Variants in NCLN observed in about 807,000 individuals in gnomAD.
The protein encoded by NCLN is nicalin, also known as BOS complex subunit NCLN.
A neutral mutation model predicts 69.5 loss-of-function variants in NCLN; 34 were observed. The observed-to-expected ratio is 0.49, with a 90% confidence interval of 0.37 to 0.65. The LOEUF is 0.65. NCLN is among the 30% of genes least tolerant of loss of function. The pLI is 0.00. For missense variants in NCLN, 710 were observed against 804.8 expected (o/e 0.88, Z 1.42); for synonymous variants, 393 against 358.3 (o/e 1.10, Z -1.09).
intron 5 of NCLN, among the ~76,000 whole-genome samples, chr19:3,199,321 C>G (rs1916061194): frequency 6.6e-6 from 1 of 152,258 alleles, no homozygotes; most frequent in Admixed American, 6.5e-5. Context: ...CAGGCCCTCT[C>G]CCTGTGTGTC....
At chr19:3,186,890 C>T (rs1428831471) in intron 1 of NCLN, among the ~76,000 whole-genome samples, 2 of 151,980 alleles carry the variant, frequency 1.3e-5, no homozygotes, top group Non-Finnish European at 2.9e-5. Context: ...GCTCTAGTCA[C>T]CGGCCCCCAC....
At chr19:3,195,379 A>T (rs1353149439) in intron 3 of NCLN, among the ~76,000 whole-genome samples, 1 of 151,672 alleles carries the variant, frequency 6.6e-6, no homozygotes, top group Non-Finnish European at 1.5e-5. Context: ...CCTCCAGAGT[A>T]GCTGGGACTA....
chr19:3,196,865 G>T (rs1482382126), intron 4 of NCLN, among the ~76,000 whole-genome samples: 2 of 152,228 alleles, frequency 1.3e-5, no homozygotes, highest in African/African-American at 4.8e-5. Flanking sequence ...ATTTCCCTGC[G>T]GGACGGCGCC....
chr19:3,206,405 C>A lies in NCLN; in HGVS notation c.1479C>A (p.His493Gln), dbSNP rs1412553885. The A allele has an allele frequency of 6.5e-7, 1 of 1,547,852 alleles. No homozygotes were observed. The highest frequency in any genetic ancestry group is 2.0e-5 in the Admixed American group (1 of 50,976). Residue 493 changes from histidine (H) to glutamine (Q), a missense_variant, in exon 12 of 15, where the codon CAC (histidine) becomes CAA (glutamine). Coordinates refer to ENST00000246117, the MANE Select transcript of NCLN (RefSeq NM_020170.4). ...LSRYLKDVKQHHVKADKRDPE... is the reference protein window; with the variant it reads ...LSRYLKDVKQQHVKADKRDPE... ...GCTACCTGAAGGACGTGAAGCAGCA[C>A]CACGTCAAGGCTGACAAGCGGTGAG...
In NCLN at chr19:3,209,083, G is replaced by A. The variant is rs918371266; in HGVS notation, c.*1395G>A. The A allele has an allele frequency of 6.6e-6, 1 of 152,344 alleles. No individual in the cohort carries two copies. The highest frequency in any genetic ancestry group is 1.5e-5 in the Non-Finnish European group (1 of 68,132). The allele number at this position is 152,344 out of a possible 1,614,324, so 9.4% of individuals were successfully genotyped here. On this transcript the variant is annotated 3_prime_UTR_variant, in exon 15 of 15. Transcript: ENST00000246117. The stretch of plus-strand genomic sequence containing the variant: ...TGGCCCAGGGAGGTGTTTGCTGTCC[G>A]AAGGACCTGGGCCGGCCCATGGGAG...
At chr19:3,203,168 T>C (rs1453701278) in intron 6 of NCLN, among the ~76,000 whole-genome samples, 2 of 151,944 alleles carry the variant, frequency 1.3e-5, no homozygotes, top group Non-Finnish European at 2.9e-5. Context: ...ATTAGCCAGG[T>C]GTGGTGCTGC....
In NCLN at chr19:3,206,137, C is replaced by T. The variant is rs892249692; in HGVS notation, c.1297-15C>T. ...AGGGGCCTGGACTCAGGGCCATCCC[C>T]TCCTCTCTCCGCAGGGGACACCCCC... On this transcript the variant is annotated splice_polypyrimidine_tract_variant and intron_variant, in intron 10 of 14. Coordinates refer to ENST00000246117, the MANE Select transcript of NCLN (RefSeq NM_020170.4). 1.0e-5 allele frequency: 16 copies of T among 1,533,494 alleles called. No individual in the cohort carries two copies. Among genetic ancestry groups the T allele is most frequent in the Middle Eastern group, 2.3e-4 (1 of 4,330 alleles). The allele number at this position is 1,533,494 out of a possible 1,614,324, so 95.0% of individuals were successfully genotyped here. A position where few individuals can be genotyped will look rare whatever the true frequency, so the allele number is the denominator to read the frequency against.
intron 1 of NCLN, among the ~76,000 whole-genome samples, chr19:3,187,251 C>T (rs1444892548): frequency 6.6e-6 from 1 of 152,256 alleles, no homozygotes; most frequent in African/African-American, 2.4e-5. Flanking sequence ...GACCATTCCA[C>T]ATCCCCTTGT....
chr19:3,193,377 A>C lies in NCLN; in HGVS notation c.469A>C (p.Lys157Gln), dbSNP rs75377748. The change falls in exon 3 of 15, where the codon AAG (lysine) becomes CAG (glutamine). Residue 157 changes from lysine to glutamine, a missense_variant. Lys to Gln is a moderately conservative substitution (Grantham distance 53, BLOSUM62 1). Coordinates refer to ENST00000246117, the MANE Select transcript of NCLN (RefSeq NM_020170.4). ...GGACGAGGCCCTGCTGTCTATCTAC[A>C]AGCAGACCCAGGCTGCCTCCGCCTC... The part of the protein sequence containing the change: ...VEDEALLSIY[K>Q]QTQAASASQG... The C allele has an allele frequency of 6.2e-4, 995 of 1,611,774 alleles. 4 individuals carry two copies. In the East Asian group the frequency reaches 6.4e-3, roughly 10 times the overall value.
intron 4 of NCLN, among the ~76,000 whole-genome samples, chr19:3,196,582 G>A (rs542357136): frequency 2.6e-5 from 4 of 151,998 alleles, no homozygotes; most frequent in East Asian, 1.9e-4. Context: ...CCTTTGCACC[G>A]GCTGCCCCTC....
In NCLN at chr19:3,204,561, C is replaced by T; in HGVS notation, c.1030-12C>T. On this transcript the variant is annotated splice_polypyrimidine_tract_variant and intron_variant, in intron 8 of 14. Transcript: ENST00000246117. ...CCCGCCTGCCCTCTGCTAATGGCGC[C>T]TCCGGCTGCAGGTGGCCGCGCACCA... The T allele has an allele frequency of 6.6e-7, 1 of 1,523,972 alleles. No individual in the cohort carries two copies. 94.4% of individuals were successfully genotyped at this position (1,523,972 alleles called of 1,614,324 possible). A position where few individuals can be genotyped will look rare whatever the true frequency, so the allele number is the denominator to read the frequency against.
intron 6 of NCLN, 112 bp from the exon 7 acceptor site, chr19:3,203,644 C>T: frequency 1.1e-6 from 1 of 943,372 alleles, no homozygotes; most frequent in Non-Finnish European, 1.6e-6. Context: ...GTCAGGATTT[C>T]CTGCTTTGGG....
Position 3,198,880 on chromosome 19 carries a change from G to A in NCLN, c.679G>A (p.Ala227Thr), listed in dbSNP as rs764839344. The A allele has an allele frequency of 1.9e-6, 3 of 1,542,020 alleles. No homozygotes were observed. The highest frequency in any genetic ancestry group is 2.8e-5 in the African/African-American group (2 of 70,718). Residue 227 changes from alanine (A) to threonine (T), a missense_variant, in exon 5 of 15, where the codon GCC (alanine) becomes ACC (threonine). Ala to Thr is a moderately conservative substitution (Grantham distance 58). Coordinates refer to ENST00000246117, the MANE Select transcript of NCLN (RefSeq NM_020170.4). ...PTIVIVAHYD[A>T]FGVAPWLSLG... ...CATCGTCATCGTGGCCCACTACGAC[G>A]CCTTTGGAGTGGCCCCCGTACGTAT...
In NCLN at chr19:3,207,412, C is replaced by G; in HGVS notation, c.1575C>G (p.Asp525Glu). ...NAYRVKPAVF[D>E]LLLAVGIAAY... ...ACAGAGTCAAGCCGGCCGTCTTTGA[C>G]CTGCTCCTGGCTGTTGGCATTGCTG... The change falls in exon 14 of 15, where the codon GAC becomes GAG. Residue 525 changes from aspartate to glutamate, a missense_variant. Physicochemically the swap from Asp to Glu is conservative, Grantham distance 45. Transcript: ENST00000246117. 1 of 1,613,130 alleles carries G rather than the reference C, an allele frequency of 6.2e-7. No individual in the cohort carries two copies.
chr19:3,198,146 T>G (rs1916017183), intron 4 of NCLN, among the ~76,000 whole-genome samples: 1 of 152,188 alleles, frequency 6.6e-6, no homozygotes, highest in Admixed American at 6.5e-5. Context: ...AATGCCTGGC[T>G]GAGGGGCTCA....
At chr19:3,190,379 G>C (rs143789196) in intron 1 of NCLN, among the ~76,000 whole-genome samples, 1 of 152,102 alleles carries the variant, frequency 6.6e-6, no homozygotes, top group Non-Finnish European at 1.5e-5. Flanking sequence ...TGCTGCACCC[G>C]AGACCCCGCC....
chr19:3,203,710 C>T, intron 6 of NCLN, 46 bp from the exon 7 acceptor site: 1 of 1,545,086 alleles, frequency 6.5e-7, no homozygotes, highest in South Asian at 1.2e-5. Context: ...CCTCCTCCAC[C>T]CCAGGCGCTT....
intron 1 of NCLN, among the ~76,000 whole-genome samples, chr19:3,191,612 C>T (rs114781271): frequency 1.3e-5 from 2 of 152,220 alleles, no homozygotes; most frequent in East Asian, 1.9e-4. Flanking sequence ...AGGGAAGGGC[C>T]GTCCCCATCT....
intron 3 of NCLN, among the ~76,000 whole-genome samples, chr19:3,194,624 C>G (rs1348631884): frequency 2.0e-5 from 3 of 152,306 alleles, no homozygotes; most frequent in African/African-American, 7.2e-5. Flanking sequence ...GAAAACGTTC[C>G]CAACCCCTGG....
Sources: gnomAD v4.1 joint callset for allele counts (sites outside exome capture counted in the v4.1 genomes callset) on GRCh38, gnomAD v4.1.1 for gene constraint, MANE v1.5 for transcripts, NCBI Gene and HGNC (gene_info 2026-07-23, HGNC 2026-07-21) for gene names.